Variants in TERT observed in about 807,000 individuals in gnomAD.
The protein encoded by TERT is telomerase catalytic subunit.
A neutral mutation model predicts 104.0 loss-of-function variants in TERT; 42 were observed. That is an observed-to-expected ratio of 0.40 (90% confidence interval 0.32 to 0.52). The LOEUF is 0.52. Ranked by LOEUF, TERT falls within the 20% of genes least tolerant of loss-of-function variation. TERT has a pLI of 0.43. For synonymous variants in TERT, 781 were observed against 725.6 expected (o/e 1.08, Z -1.23); for missense variants, 1,101 against 1,610.3 (o/e 0.68, Z 5.41).
intron 1 of TERT, 42 bp downstream of exon 1, chr5:1,294,729 C>G: frequency 1.3e-6 from 2 of 1,569,150 alleles, no homozygotes; most frequent in Non-Finnish European, 1.7e-6. Context: ...TCCCCCCGGC[C>G]GCCCTCAACC....
In TERT at chr5:1,292,536, G is replaced by A. The variant is rs1561212860; in HGVS notation, c.1573+777C>T. 6.6e-6 allele frequency among the ~76,000 whole-genome samples: 1 copy of A among 150,922 alleles called. No individual in the cohort carries two copies. The highest frequency in any genetic ancestry group is 1.5e-5 in the Non-Finnish European group (1 of 67,936). ...CGAACACTTTTTTTTTTTAAAGACA[G>A]AGTTTCACTCTTGTCGCCCAGGCTG... On this transcript the variant is annotated intron_variant, in intron 2 of 15. Transcript: ENST00000310581. The surrounding 1 kb of genome is among the most constrained non-coding windows in gnomAD (Gnocchi z 5.5).
chr5:1,270,729 GGAGA>G lies in TERT; in HGVS notation c.2468+386_2468+389del, dbSNP rs1220434924. On this transcript the variant is annotated intron_variant, in intron 8 of 15. Transcript: ENST00000310581. The surrounding 1 kb of genome is among the most constrained non-coding windows in gnomAD (Gnocchi z 8.3). ...AATCGGATAAAATCCTTTTGTATCGGGAGAGAGAGATACAAGCGTGTGAGAGCCG... is the reference window on the plus strand; with the variant it reads ...AATCGGATAAAATCCTTTTGTATCGGGAGAGATACAAGCGTGTGAGAGCCG... 6.6e-6 allele frequency among the ~76,000 whole-genome samples: 1 copy of G among 152,268 alleles called. No homozygotes were observed. The highest frequency in any genetic ancestry group is 1.5e-5 in the Non-Finnish European group (1 of 68,050).
At chr5:1,281,591 CT>C (rs1272954148) in intron 3 of TERT, among the ~76,000 whole-genome samples, 6 of 152,242 alleles carry the variant, frequency 3.9e-5, no homozygotes, top group African/African-American at 1.4e-4. Flanking sequence ...CAATCTCACA[CT>C]CTCATCAGCC....
In TERT at chr5:1,282,548, A is replaced by G; in HGVS notation, c.1650T>C (p.Ser550=). The stretch of plus-strand genomic sequence containing the variant: ...ACCTGAGCAGCTCGACGACGTACAC[A>G]CTCATCAGCCAGTGCAGGAACTTGG... ...ILAKFLHWLM[S]VYVVELLRSF... is the part of the protein sequence containing the mutation. The change falls in exon 3 of 16, where the codon AGT becomes AGC. Residue 550 remains serine (S), a synonymous_variant. Coordinates refer to ENST00000310581, the MANE Select transcript of TERT (RefSeq NM_198253.3). 6.2e-7 allele frequency: 1 copy of G among 1,614,062 alleles called. No individual in the cohort carries two copies. The highest frequency in any genetic ancestry group is 8.5e-7 in the Non-Finnish European group (1 of 1,180,018).
rs1467080691 is a variant in TERT at position 1,270,266 on chromosome 5, A to AT, written c.2468+852dup. Among the ~76,000 whole-genome samples, 8 of 152,328 alleles carry AT rather than the reference A, an allele frequency of 5.3e-5. No individual in the cohort carries two copies. Among genetic ancestry groups the AT allele is most frequent in the African/African-American group, 1.9e-4 (8 of 41,582 alleles). On this transcript the variant is annotated intron_variant, in intron 8 of 15. Coordinates refer to ENST00000310581, the MANE Select transcript of TERT (RefSeq NM_198253.3). This position sits in a 1 kb window ranked among gnomAD's most constrained non-coding sequence, Gnocchi z 8.3. ...TTATAATGCAATAATTAATAGTTAT[A>AT]TTTTTAAATAAAAGCTTCCGAAGCT...
Position 1,257,930 on chromosome 5 carries a change from T to G in TERT, c.3032+668A>C, listed in dbSNP as rs1747869681. 6.6e-6 allele frequency among the ~76,000 whole-genome samples: 1 copy of G among 152,204 alleles called. No homozygotes were observed. Among genetic ancestry groups the G allele is most frequent in the Non-Finnish European group, 1.5e-5 (1 of 68,028 alleles). On this transcript the variant is annotated intron_variant, in intron 13 of 15. Transcript: ENST00000310581. This position sits in a 1 kb window ranked among gnomAD's most constrained non-coding sequence, Gnocchi z 5.6. ...GAGGCCCGGGCCTGTGGTGCCCGACTGCCCTTTGGTACAGCCCCGAGGCTT... is the reference window on the plus strand; with the variant it reads ...GAGGCCCGGGCCTGTGGTGCCCGACGGCCCTTTGGTACAGCCCCGAGGCTT...
At position 1,294,618 on chromosome 5, in the gene TERT, C is replaced by T; in HGVS notation, c.268G>A (p.Glu90Lys). 1 of 1,595,972 alleles carries T rather than the reference C, an allele frequency of 6.3e-7. No homozygotes were observed. The highest frequency in any genetic ancestry group is 8.5e-7 in the Non-Finnish European group (1 of 1,178,876). The change falls in exon 2 of 16, where the codon GAG becomes AAG. Residue 90 changes from glutamate (E) to lysine (K), a missense_variant. Physicochemically the swap from Glu to Lys is moderately conservative, Grantham distance 56 (BLOSUM62 1). Around this residue, in one of 5 missense-constraint regions of TERT, gnomAD observed 87 missense variants for 145.4 expected, o/e 0.60. Coordinates refer to ENST00000310581, the MANE Select transcript of TERT (RefSeq NM_198253.3). ...LVARVLQRLC[E>K]RGAKNVLAFG... The stretch of plus-strand genomic sequence containing the variant: ...GCCAGCACGTTCTTCGCGCCGCGCT[C>T]GCACAGCCTCTGCAGCACTCGGGCC...
In TERT at chr5:1,288,647, AG is replaced by A. The variant is rs1226615404; in HGVS notation, c.1573+4665del. Among the ~76,000 whole-genome samples, 1 of 152,086 alleles carries A rather than the reference AG, an allele frequency of 6.6e-6. No individual in the cohort carries two copies. The highest frequency in any genetic ancestry group is 1.9e-4 in the East Asian group (1 of 5,166). On this transcript the variant is annotated intron_variant, in intron 2 of 15. Transcript: ENST00000310581. This position sits in a 1 kb window ranked among gnomAD's most constrained non-coding sequence, Gnocchi z 5.3. ...AGCTTGGGAGAAAACAGGACAAGTGAGGGGGCTGGGGTGACTTGCTTTCCTT... is the reference window on the plus strand; with the variant it reads ...AGCTTGGGAGAAAACAGGACAAGTGAGGGGCTGGGGTGACTTGCTTTCCTT...
chr5:1,262,691 T>A lies in TERT; in HGVS notation c.2843+1713A>T, dbSNP rs1748319336. Among the ~76,000 whole-genome samples the A allele has an allele frequency of 6.6e-6, 1 of 152,232 alleles. No individual in the cohort carries two copies. The highest frequency in any genetic ancestry group is 1.5e-5 in the Non-Finnish European group (1 of 68,038). ...GATGCCCACCCATCCTGCACTAGCC[T>A]CTGTGGCTTTGCAATGTGTTTAGAG... is the stretch of plus-strand genomic sequence containing the variant. On this transcript the variant is annotated intron_variant, in intron 11 of 15. Transcript: ENST00000310581. This position sits in a 1 kb window ranked among gnomAD's most constrained non-coding sequence, Gnocchi z 5.6.
intron 12 of TERT, 49 bp from the exon 13 acceptor site, chr5:1,258,708 T>G (rs1747939970): frequency 1.3e-6 from 2 of 1,488,334 alleles, no homozygotes. Flanking sequence ...TCTCTGGGAT[T>G]TTAAGTTTTT....
Position 1,263,876 on chromosome 5 carries a change from CCT to C in TERT, c.2843+526_2843+527del, listed in dbSNP as rs1390933374. ...CCCCCCCCACACCATGGCCCTGTCC[CCT>C]GATGGGTCACACGTGATCATGAACT... On this transcript the variant is annotated intron_variant, in intron 11 of 15. Transcript: ENST00000310581. This position sits in a 1 kb window ranked among gnomAD's most constrained non-coding sequence, Gnocchi z 5.3. Among the ~76,000 whole-genome samples, 1 of 152,234 alleles carries C rather than the reference CCT, an allele frequency of 6.6e-6. No individual in the cohort carries two copies. The highest frequency in any genetic ancestry group is 1.5e-5 in the Non-Finnish European group (1 of 68,040).
rs1249310723 is a variant in TERT, at chr5:1,265,061, G to A, written c.2655-469C>T. Among the ~76,000 whole-genome samples the A allele has an allele frequency of 6.6e-6, 1 of 152,254 alleles. No homozygotes were observed. Among genetic ancestry groups the A allele is most frequent in the Non-Finnish European group, 1.5e-5 (1 of 68,058 alleles). ...GGCATCTGCTGTGCTTTAGACAAAG[G>A]GGAGGGTTCTGAGTTCCTGCTCAGG... is the stretch of plus-strand genomic sequence containing the variant. On this transcript the variant is annotated intron_variant, in intron 10 of 15. Transcript: ENST00000310581. The surrounding 1 kb of genome is among the most constrained non-coding windows in gnomAD (Gnocchi z 6.9).
At chr5:1,258,741 C>G in intron 12 of TERT, 82 bp from the exon 13 acceptor site, 1 of 1,141,228 alleles carries the variant, frequency 8.8e-7, no homozygotes, top group South Asian at 1.3e-5. Context: ...ATCATCCATT[C>G]AGATGGAACA....
chr5:1,294,833 G>A lies in TERT; in HGVS notation c.157C>T (p.Gln53Ter). 1 of 1,468,806 alleles carries A rather than the reference G, an allele frequency of 6.8e-7. No homozygotes were observed. Among genetic ancestry groups the A allele is most frequent in the East Asian group, 2.8e-5 (1 of 35,470 alleles). 91.0% of individuals were successfully genotyped at this position (1,468,806 alleles called of 1,614,324 possible). A position where few individuals can be genotyped will look rare whatever the true frequency, so the allele number is the denominator to read the frequency against. The change falls in exon 1 of 16, where the codon CAG becomes TAG. Residue 53 changes from glutamine (Q) to a stop codon, truncating the protein, a stop_gained. Coordinates refer to ENST00000310581, the MANE Select transcript of TERT (RefSeq NM_198253.3). LOFTEE classifies it high-confidence loss of function. ...TCCCAGGGCACGCACACCAGGCACT[G>A]GGCCACCAGCGCGCGGAAAGCCGCC... ...DPAAFRALVA[Q>*]CLVCVPWDAR...
intron 6 of TERT, among the ~76,000 whole-genome samples, chr5:1,277,300 C>T (rs1284473631): frequency 6.6e-6 from 1 of 152,334 alleles, no homozygotes; most frequent in Non-Finnish European, 1.5e-5. Context: ...CACCCAGAGG[C>T]GAGGGCCTCT....
intron 4 of TERT, 23 bp from the exon 5 acceptor site, chr5:1,279,493 C>A: frequency 6.5e-7 from 1 of 1,548,136 alleles, no homozygotes; most frequent in Non-Finnish European, 8.7e-7. Flanking sequence ...GCATGGGAGA[C>A]AGTCAGGAAA....
rs1325340634 is a variant in TERT, at chr5:1,279,387, G to C, written c.2034C>G (p.Ala678=). The C allele has an allele frequency of 3.2e-6, 5 of 1,560,434 alleles. No homozygotes were observed. Among genetic ancestry groups the C allele is most frequent in the Non-Finnish European group, 4.3e-6 (5 of 1,154,296 alleles). The change falls in exon 5 of 16, where the codon GCC becomes GCG. Residue 678 remains alanine, a synonymous_variant. Coordinates refer to ENST00000310581, the MANE Select transcript of TERT (RefSeq NM_198253.3). ...GGATATCGTCCAGGCCCAGCACAGA[G>C]GCGCCCAGGAGGCCGGGGCGCCGCG... ...ERARRPGLLG[A]SVLGLDDIHR...
intron 6 of TERT, among the ~76,000 whole-genome samples, chr5:1,278,161 G>C (rs1334451163): frequency 6.6e-6 from 1 of 152,186 alleles, no homozygotes; most frequent in Non-Finnish European, 1.5e-5. Context: ...GACAGGACAG[G>C]GGCACCCATG....
intron 2 of TERT, among the ~76,000 whole-genome samples, chr5:1,285,958 C>G (rs1750455079): frequency 6.6e-6 from 1 of 151,942 alleles, no homozygotes; most frequent in South Asian, 2.1e-4. Flanking sequence ...GGTTCCCAAG[C>G]AGAAGGGAGG....
Sources: gnomAD v4.1 joint callset for allele counts (sites outside exome capture counted in the v4.1 genomes callset) on GRCh38, gnomAD v4.1.1 for gene constraint, gnomAD v4.1.1 regional missense constraint, Gnocchi (gnomAD v3.1) non-coding constraint, MANE v1.5 for transcripts, NCBI Gene and HGNC (gene_info 2026-07-23, HGNC 2026-07-21) for gene names.